GORASP2: variants seen among roughly 807,000 people sequenced by gnomAD.
The protein encoded by GORASP2 is golgi reassembly stacking protein 2.
A neutral mutation model predicts 45.7 loss-of-function variants in GORASP2; 22 were observed. The ratio of observed to expected loss-of-function variants is 0.48; its 90% CI spans 0.34 to 0.69. GORASP2 has a LOEUF of 0.69. Ranked by LOEUF, GORASP2 falls within the 30% of genes least tolerant of loss-of-function variation. The probability of loss-of-function intolerance (pLI) is 0.01; values close to 1 mark genes in which losing one functional copy is unlikely to be tolerated. For missense variants in GORASP2, 491 were observed against 562.7 expected (o/e 0.87, Z 1.29); for synonymous variants, 221 against 215.6 (o/e 1.02, Z -0.22).
At position 170,948,391 on chromosome 2, in the gene GORASP2, T is replaced by C; in HGVS notation, c.105T>C (p.Pro35=). Residue 35 remains proline (P), a synonymous_variant, in exon 2 of 10, where the codon CCT becomes CCC. Transcript: ENST00000234160. The stretch of plus-strand genomic sequence containing the variant: ...CAGGACACAGAGCTGGTTTGGAGCC[T>C]TTCTTTGATTTTATTGTTTCTATTA... The part of the protein sequence containing the change: ...NSPGHRAGLE[P]FFDFIVSING... 2 of 1,598,410 alleles carry C rather than the reference T, an allele frequency of 1.3e-6. No individual in the cohort carries two copies. The highest frequency in any genetic ancestry group is 1.7e-6 in the Non-Finnish European group (2 of 1,167,114).
intron 2 of GORASP2, 29 bp downstream of exon 2, chr2:170,948,459 A>C (rs554894899): frequency 8.2e-7 from 1 of 1,213,602 alleles, no homozygotes; most frequent in South Asian, 1.3e-5. Flanking sequence ...AGTTTTGTCT[A>C]TAGTATTTGT....
intron 1 of GORASP2, among the ~76,000 whole-genome samples, chr2:170,946,211 G>T (rs1704179911): frequency 6.6e-6 from 1 of 151,888 alleles, no homozygotes; most frequent in South Asian, 2.1e-4. Context: ...TCCCTATATT[G>T]CCCAGGCTAG....
At chr2:170,950,017 T>C (rs185369508) in intron 3 of GORASP2, 187 bp from the exon 4 acceptor site, 2 of 528,620 alleles carry the variant, frequency 3.8e-6, no homozygotes, top group Admixed American at 7.3e-5. Flanking sequence ...AAATATTTGT[T>C]AAATATTATG....
At chr2:170,964,085 G>A (rs977598745) in intron 9 of GORASP2, among the ~76,000 whole-genome samples, 5 of 152,336 alleles carry the variant, frequency 3.3e-5, no homozygotes, top group African/African-American at 1.2e-4. Context: ...CCAAGTGTCT[G>A]CACTCAGATT....
intron 1 of GORASP2, chr2:170,929,906 A>T: frequency 2.5e-6 from 1 of 393,744 alleles, no homozygotes; most frequent in Non-Finnish European, 5.4e-6. Context: ...CTGAAAGACC[A>T]GCAGGGCAGG....
intron 5 of GORASP2, 40 bp downstream of exon 5, chr2:170,951,498 A>G (rs766076096): frequency 1.4e-6 from 2 of 1,466,632 alleles, no homozygotes; most frequent in South Asian, 2.5e-5. Context: ...CTGCTTAAAC[A>G]TACCAGTCAG....
chr2:170,940,760 A>G (rs1175561026), intron 1 of GORASP2, among the ~76,000 whole-genome samples: 1 of 152,134 alleles, frequency 6.6e-6, no homozygotes, highest in Non-Finnish European at 1.5e-5. Context: ...TTTCCATTGC[A>G]ACCAGTACAT....
At chr2:170,953,452 G>C (rs1383928558) in intron 5 of GORASP2, among the ~76,000 whole-genome samples, 1 of 152,188 alleles carries the variant, frequency 6.6e-6, no homozygotes, top group African/African-American at 2.4e-5. Context: ...GATAATAGAT[G>C]ATGTGGCAGG....
At chr2:170,953,671 T>C (rs1704355950) in intron 5 of GORASP2, 1 of 152,220 alleles carries the variant, frequency 6.6e-6, no homozygotes, top group Admixed American at 6.5e-5. Context: ...AAAAACTAGC[T>C]GTCACCATCA....
chr2:170,943,637 A>T (rs957204658), intron 1 of GORASP2, among the ~76,000 whole-genome samples: 4 of 152,158 alleles, frequency 2.6e-5, no homozygotes, highest in Admixed American at 2.0e-4. Context: ...CTAAAAGTCT[A>T]TTATTTTTTC....
In GORASP2 at chr2:170,944,250, CTA is replaced by C. The variant is rs1320151206; in HGVS notation, c.64-4098_64-4097del. On this transcript the variant is annotated intron_variant, in intron 1 of 9. Coordinates refer to ENST00000234160, the MANE Select transcript of GORASP2 (RefSeq NM_015530.5). ...CTTACCTGTGTCAGTGTTTGGTTTGCTATGTTGTAGATCATATTTTCCATGCT... is the reference window on the plus strand; with the variant it reads ...CTTACCTGTGTCAGTGTTTGGTTTGCTGTTGTAGATCATATTTTCCATGCT... 3.3e-5 allele frequency among the ~76,000 whole-genome samples: 5 copies of C among 152,186 alleles called. No homozygotes were observed. The South Asian group carries it at 8.3e-4, about 25-fold the overall frequency.
rs773653345 is a variant in GORASP2, at chr2:170,962,937, G to A, written c.1009G>A (p.Val337Ile). The stretch of plus-strand genomic sequence containing the variant: ...GCCAGGGGTTGGCTTACCAGAACTT[G>A]TAAACCCAGGTATGTTGCAGATCTC... Reference protein sequence around the residue: ...IMPGVGLPELVNPGLPPLPSM... With the variant: ...IMPGVGLPELINPGLPPLPSM... The change falls in exon 9 of 10, where the codon GTA becomes ATA. Residue 337 changes from valine (V) to isoleucine (I), a missense_variant. Physicochemically the swap from Val to Ile is conservative, Grantham distance 29. Coordinates refer to ENST00000234160, the MANE Select transcript of GORASP2 (RefSeq NM_015530.5). 4.3e-6 allele frequency: 7 copies of A among 1,609,534 alleles called. No individual in the cohort carries two copies. In the Admixed American group the frequency reaches 6.7e-5, roughly 15 times the overall value.
chr2:170,963,450 G>GCTCCTCCTC (rs564256437), intron 9 of GORASP2, among the ~76,000 whole-genome samples: 2 of 134,358 alleles, frequency 1.5e-5, no homozygotes, highest in South Asian at 2.8e-4. Flanking sequence ...TGCTGCTGCT[G>GCTCCTCCTC]CTCCTCCTCC....
At chr2:170,931,558 A>G (rs926822086) in intron 1 of GORASP2, among the ~76,000 whole-genome samples, 5 of 152,236 alleles carry the variant, frequency 3.3e-5, no homozygotes, top group African/African-American at 1.2e-4. Context: ...AGTTTTCTTG[A>G]ATAACCAATT....
intron 8 of GORASP2, among the ~76,000 whole-genome samples, chr2:170,962,342 A>G (rs1420523832): frequency 5.3e-5 from 8 of 152,252 alleles, no homozygotes; most frequent in Non-Finnish European, 7.3e-5. Context: ...CACACACACA[A>G]TGATGAAGCA....
intron 1 of GORASP2, among the ~76,000 whole-genome samples, chr2:170,938,106 T>A (rs1703996898): frequency 6.6e-6 from 1 of 152,254 alleles, no homozygotes; most frequent in Non-Finnish European, 1.5e-5. Context: ...TAAATCTCTT[T>A]CTTAAAACAA....
At chr2:170,948,189 G>A (rs566962102) in intron 1 of GORASP2, among the ~76,000 whole-genome samples, 161 bp from the exon 2 acceptor site, 1 of 152,222 alleles carries the variant, frequency 6.6e-6, no homozygotes, top group Admixed American at 6.5e-5. Flanking sequence ...TAGGGAGCTG[G>A]ACGGGCATTA....
chr2:170,954,120 T>TAC (rs1704366881), intron 5 of GORASP2: 1 of 152,560 alleles, frequency 6.6e-6, no homozygotes, highest in East Asian at 1.9e-4. Flanking sequence ...GGGTTGAACA[T>TAC]ACATGACTGA....
chr2:170,948,351 T>TA lies in GORASP2; in HGVS notation c.66dup (p.Gln23ThrfsTer16). The TA allele has an allele frequency of 6.3e-7, 1 of 1,575,542 alleles. No individual in the cohort carries two copies. The highest frequency in any genetic ancestry group is 8.7e-7 in the Non-Finnish European group (1 of 1,149,446). On this transcript the variant is annotated frameshift_variant and splice_region_variant, in exon 2 of 10. Transcript: ENST00000234160. LOFTEE classifies it high-confidence loss of function. ...TTTTTGTCGTTTTTGTTTCCGCAGG[T>TA]ACAAGAAAATTCCCCAGGACACAGA... is the stretch of plus-strand genomic sequence containing the variant.
Sources: allele counts gnomAD v4.1 joint callset (sites outside exome capture counted in the v4.1 genomes callset), GRCh38; gene constraint gnomAD v4.1.1; transcripts MANE v1.5; gene names NCBI Gene and HGNC (gene_info 2026-07-23, HGNC 2026-07-21).